Variants in EIF2B3 observed in about 807,000 individuals in gnomAD.
The protein encoded by EIF2B3 is eukaryotic translation initiation factor 2B subunit gamma.
Under a neutral mutation model 54.1 loss-of-function variants are expected in EIF2B3, and 20 were observed. That is an observed-to-expected ratio of 0.37 (90% CI 0.26 to 0.54). EIF2B3 has a LOEUF of 0.54. EIF2B3 is among the 20% of genes least tolerant of loss of function. The pLI is 0.86. For synonymous variants in EIF2B3, 153 were observed against 188.1 expected (o/e 0.81, Z 1.52); for missense variants, 448 against 547.8 (o/e 0.82, Z 1.82).
intron 6 of EIF2B3, among the ~76,000 whole-genome samples, chr1:44,896,313 A>G (rs1178029643): frequency 6.6e-6 from 1 of 152,164 alleles, no homozygotes; most frequent in Admixed American, 6.5e-5. Flanking sequence ...TAAAAGTCCA[A>G]ATGATTTGTT....
intron 11 of EIF2B3, among the ~76,000 whole-genome samples, chr1:44,854,394 C>T (rs771249831): frequency 6.6e-6 from 1 of 151,742 alleles, no homozygotes; most frequent in Non-Finnish European, 1.5e-5. Context: ...CCAGAGATAA[C>T]CAATGAGAGT....
rs375301358 is a variant in EIF2B3 at position 44,877,560 on chromosome 1, C to T, written c.976-1865G>A. On this transcript the variant is annotated intron_variant, in intron 8 of 11. Transcript: ENST00000360403. ...GTCACCTCCTGGACCACTGTGACCA[C>T]GCATGAGGTGAGGATGAGATCCATT... Among the ~76,000 whole-genome samples the T allele has an allele frequency of 3.3e-5, 5 of 152,218 alleles. No individual in the cohort carries two copies. In the East Asian group the frequency reaches 5.8e-4, roughly 18 times the overall value.
At chr1:44,877,368 T>TC (rs1655229923) in intron 8 of EIF2B3, among the ~76,000 whole-genome samples, 1 of 152,088 alleles carries the variant, frequency 6.6e-6, no homozygotes, top group Admixed American at 6.5e-5. Context: ...GGCCTTATTG[T>TC]CAGTCTCTTA....
At chr1:44,959,894 T>G (rs779588466) in intron 3 of EIF2B3, among the ~76,000 whole-genome samples, 2 of 152,230 alleles carry the variant, frequency 1.3e-5, no homozygotes, top group South Asian at 4.1e-4. Context: ...ACCTGTGTTA[T>G]ATGCTACACG....
At chr1:44,894,343 T>C (rs903942992) in intron 6 of EIF2B3, among the ~76,000 whole-genome samples, 2 of 152,186 alleles carry the variant, frequency 1.3e-5, no homozygotes, top group Non-Finnish European at 2.9e-5. Flanking sequence ...AGTACAGATT[T>C]TCTTCTCTCT....
chr1:44,942,626 C>T (rs901304816), intron 3 of EIF2B3, among the ~76,000 whole-genome samples: 65 of 148,104 alleles, frequency 4.4e-4, no homozygotes, highest in African/African-American at 1.6e-3. Context: ...TGGTGTCTCC[C>T]TATGTTGCCT....
At chr1:44,856,484 C>T (rs556429526) in intron 11 of EIF2B3, among the ~76,000 whole-genome samples, 196 of 148,004 alleles carry the variant, frequency 1.3e-3, no homozygotes, top group Admixed American at 3.4e-3. Flanking sequence ...TACTGTACTC[C>T]AGCCTAGGCG....
chr1:44,945,340 G>A (rs1302435498), intron 3 of EIF2B3, among the ~76,000 whole-genome samples: 1 of 151,610 alleles, frequency 6.6e-6, no homozygotes, highest in African/African-American at 2.4e-5. Flanking sequence ...GGATCACAAC[G>A]TCAGGAGATC....
chr1:44,981,942 C>CAAAAAAA (rs35864275), intron 1 of EIF2B3, among the ~76,000 whole-genome samples: 2 of 78,960 alleles, frequency 2.5e-5, no homozygotes, highest in African/African-American at 8.8e-5. Context: ...GATCCTGTCT[C>CAAAAAAA]AAAAAAAAAA....
chr1:44,927,138 C>CAA (rs533146412), intron 4 of EIF2B3, among the ~76,000 whole-genome samples: 3 of 114,298 alleles, frequency 2.6e-5, no homozygotes. Flanking sequence ...GATTCCATCT[C>CAA]AAAAAAAAAA....
chr1:44,897,521 G>T, intron 5 of EIF2B3, 77 bp from the exon 6 acceptor site: 2 of 1,193,036 alleles, frequency 1.7e-6, no homozygotes, highest in Non-Finnish European at 1.2e-6. Context: ...CTATTATCAG[G>T]TAGTAGGCAC....
chr1:44,941,744 G>T, intron 3 of EIF2B3, 79 bp from the exon 4 acceptor site: 1 of 1,524,566 alleles, frequency 6.6e-7, no homozygotes, highest in Non-Finnish European at 9.1e-7. Context: ...AAATTAGGAT[G>T]GCTTAAAACC....
At chr1:44,901,488 C>T (rs1222036721) in intron 5 of EIF2B3, among the ~76,000 whole-genome samples, 3 of 151,284 alleles carry the variant, frequency 2.0e-5, no homozygotes, top group Admixed American at 1.3e-4. Context: ...TGGCCCCAAG[C>T]GATCCTCCTG....
chr1:44,858,901 A>T (rs1654522988), intron 10 of EIF2B3, among the ~76,000 whole-genome samples: 1 of 152,116 alleles, frequency 6.6e-6, no homozygotes, highest in Non-Finnish European at 1.5e-5. Flanking sequence ...GCTAAAAAGG[A>T]TTTTTTAAAA....
Position 44,850,571 on chromosome 1 carries a change from A to C in EIF2B3, c.*380T>G. 1 of 299,296 alleles carries C rather than the reference A, an allele frequency of 3.3e-6. No homozygotes were observed. The highest frequency in any genetic ancestry group is 6.4e-6 in the Non-Finnish European group (1 of 156,568). 18.5% of individuals were successfully genotyped at this position (299,296 alleles called of 1,614,324 possible). ...CTAGAAAGGCTGATTAGGATAAGGG[A>C]CTGAAGTACTCCCAGGTCCTTTTAG... is the stretch of plus-strand genomic sequence containing the variant. On this transcript the variant is annotated 3_prime_UTR_variant, in exon 12 of 12. Coordinates refer to ENST00000360403, the MANE Select transcript of EIF2B3 (RefSeq NM_020365.5).
intron 6 of EIF2B3, among the ~76,000 whole-genome samples, chr1:44,886,773 G>A (rs903014212): frequency 2.0e-5 from 3 of 152,170 alleles, no homozygotes; most frequent in Non-Finnish European, 2.9e-5. Flanking sequence ...ATTTCTGTAC[G>A]TCACTTCCTT....
intron 3 of EIF2B3, among the ~76,000 whole-genome samples, chr1:44,956,473 C>A (rs1364512799): frequency 1.4e-5 from 2 of 144,650 alleles, no homozygotes; most frequent in African/African-American, 5.6e-5. Flanking sequence ...TGTAACAAAT[C>A]TGCAACTTAA....
At chr1:44,984,947 C>T (rs1172810932) in intron 1 of EIF2B3, among the ~76,000 whole-genome samples, 1 of 150,338 alleles carries the variant, frequency 6.7e-6, no homozygotes, top group Non-Finnish European at 1.5e-5. Flanking sequence ...GCTGGGACTA[C>T]AGGCACCCGC....
At chr1:44,934,399 AAAAAC>A (rs200622867) in intron 4 of EIF2B3, among the ~76,000 whole-genome samples, 22,209 of 151,958 alleles carry the variant, frequency 0.15, 1,743 homozygotes, top group Non-Finnish European at 0.17. Flanking sequence ...CTCTGTCTCA[AAAAAC>A]AAAACAAAAC....
Sources: gnomAD v4.1 joint callset for allele counts (sites outside exome capture counted in the v4.1 genomes callset) on GRCh38, gnomAD v4.1.1 for gene constraint, MANE v1.5 for transcripts, NCBI Gene and HGNC (gene_info 2026-07-23, HGNC 2026-07-21) for gene names.